Variants in LOXHD1 observed in about 807,000 individuals in gnomAD.
LOXHD1 encodes lipoxygenase homology PLAT domains 1, also known as lipoxygenase homology domain-containing protein 1.
In LOXHD1, 205 loss-of-function variants were observed where a neutral mutation model predicts 248.2. The observed-to-expected ratio is 0.83, with a 90% CI of 0.74 to 0.93. The LOEUF (loss-of-function observed/expected upper bound fraction) is 0.93, where lower values mean the gene tolerates loss of function less well. Among genes scored for constraint, LOXHD1 ranks in the 40% least tolerant of loss-of-function variants. LOXHD1 has a pLI of 0.00. For synonymous variants in LOXHD1, 1,113 were observed against 1,162.8 expected (o/e 0.96, Z 0.87); for missense variants, 2,930 against 2,971.6 (o/e 0.99, Z 0.33).
At chr18:46,654,330 A>AAG (rs2039151521) in intron 1 of LOXHD1, among the ~76,000 whole-genome samples, 1 of 152,248 alleles carries the variant, frequency 6.6e-6, no homozygotes, top group African/African-American at 2.4e-5. Flanking sequence ...ATCCCCAAGG[A>AAG]AGCTGCCTTG....
chr18:46,483,545 C>G (rs915501621), intron 40 of LOXHD1, 42 bp downstream of exon 40: 1 of 1,550,950 alleles, frequency 6.4e-7, no homozygotes, highest in African/African-American at 1.4e-5. Context: ...CTGCCCCATG[C>G]TGAGGGAGTG....
At chr18:46,611,790 G>A (rs1292068836) in intron 5 of LOXHD1, among the ~76,000 whole-genome samples, 1 of 152,166 alleles carries the variant, frequency 6.6e-6, no homozygotes, top group Non-Finnish European at 1.5e-5. Flanking sequence ...AAACATGACA[G>A]ATATGTCTAA....
At chr18:46,606,932 G>A (rs2038423245) in intron 6 of LOXHD1, among the ~76,000 whole-genome samples, 2 of 152,020 alleles carry the variant, frequency 1.3e-5, no homozygotes, top group Admixed American at 6.6e-5. Context: ...TTCAGAGGTC[G>A]AAGCGGCCAT....
intron 29 of LOXHD1, among the ~76,000 whole-genome samples, chr18:46,525,136 G>T (rs1326481357): frequency 6.6e-6 from 1 of 152,196 alleles, no homozygotes; most frequent in Non-Finnish European, 1.5e-5. Context: ...TATATGTGTG[G>T]TGCCATGGAG....
intron 36 of LOXHD1, 28 bp downstream of exon 36, chr18:46,507,510 C>T (rs924439603): frequency 3.2e-6 from 5 of 1,550,916 alleles, no homozygotes; most frequent in East Asian, 2.4e-5. Flanking sequence ...GGTAAGGGAG[C>T]GGGAGGTGTG....
intron 8 of LOXHD1, among the ~76,000 whole-genome samples, chr18:46,600,583 A>G (rs1245430883): frequency 7.2e-6 from 1 of 139,208 alleles, no homozygotes; most frequent in Non-Finnish European, 1.6e-5. Context: ...GGGTGACAGA[A>G]GTGAAACTCT....
intron 21 of LOXHD1, among the ~76,000 whole-genome samples, chr18:46,555,889 G>A (rs4581799): frequency 0.18 from 27,112 of 151,956 alleles, 2,677 homozygotes; most frequent in Non-Finnish European, 0.23. Flanking sequence ...TCTCTTCCCA[G>A]CCCAACTCAT....
At position 46,541,875 on chromosome 18, in the gene LOXHD1, T is replaced by A; in HGVS notation, c.3814A>T (p.Thr1272Ser). 6.4e-7 allele frequency: 1 copy of A among 1,551,704 alleles called. No individual in the cohort carries two copies. Among genetic ancestry groups the A allele is most frequent in the Non-Finnish European group, 8.7e-7 (1 of 1,147,000 alleles). The change falls in exon 25 of 41, where the codon ACG becomes TCG. Residue 1272 changes from threonine to serine, a missense_variant. By Grantham distance (58) the Thr-to-Ser change is moderately conservative. Coordinates refer to ENST00000642948, the MANE Select transcript of LOXHD1 (RefSeq NM_001384474.1). The part of the protein sequence containing the change: ...VDAPSLGKCM[T>S]FPCGRWLAKN... ...GCCAGCCAGCGGCCACAGGGAAACG[T>A]CATGCACTTCCCAAGAGATGGGGCA...
intron 4 of LOXHD1, among the ~76,000 whole-genome samples, chr18:46,623,838 A>G (rs572701513): frequency 1.3e-5 from 2 of 152,352 alleles, no homozygotes; most frequent in East Asian, 3.9e-4. Flanking sequence ...ACCCCAGGCC[A>G]TGCAGAGAGG....
At position 46,534,397 on chromosome 18, in the gene LOXHD1, C is replaced by T. The variant is rs2036214078; in HGVS notation, c.4150G>A (p.Gly1384Ser). The change falls in exon 27 of 41, where the codon GGC becomes AGC. Residue 1384 changes from glycine (G) to serine (S), a missense_variant. Physicochemically the swap from Gly to Ser is moderately conservative, Grantham distance 56 (BLOSUM62 0). Coordinates refer to ENST00000642948, the MANE Select transcript of LOXHD1 (RefSeq NM_001384474.1). Reference sequence around the variant, plus strand: ...GAGCAGTGCCACCCAGGATTCATGCCCGTGTTATTATGGCCAATCCGAATT... The same window carrying T: ...GAGCAGTGCCACCCAGGATTCATGCTCGTGTTATTATGGCCAATCCGAATT... Reference protein sequence around the residue: ...EKIRIGHNNTGMNPGWHCSHV... With the variant: ...EKIRIGHNNTSMNPGWHCSHV... The T allele has an allele frequency of 6.4e-7, 1 of 1,551,548 alleles. No individual in the cohort carries two copies. The highest frequency in any genetic ancestry group is 8.7e-7 in the Non-Finnish European group (1 of 1,147,002).
intron 27 of LOXHD1, chr18:46,533,633 G>A: frequency 3.0e-6 from 1 of 334,612 alleles, no homozygotes; most frequent in Non-Finnish European, 5.7e-6. Context: ...TTTAAAAATT[G>A]CTCCCTCTGG....
chr18:46,551,110 T>TA (rs1464820829), intron 21 of LOXHD1, among the ~76,000 whole-genome samples: 2 of 151,170 alleles, frequency 1.3e-5, no homozygotes, highest in African/African-American at 4.9e-5. Flanking sequence ...TCTTTTCTTT[T>TA]TTTTTTTTTT....
chr18:46,533,364 G>A, intron 27 of LOXHD1, 40 bp from the exon 28 acceptor site: 1 of 1,547,580 alleles, frequency 6.5e-7, no homozygotes, highest in Non-Finnish European at 8.7e-7. Context: ...CCCTTAATGT[G>A]AAAGCTGCCA....
chr18:46,651,376 G>A (rs1030799887), intron 1 of LOXHD1, among the ~76,000 whole-genome samples: 4 of 152,006 alleles, frequency 2.6e-5, no homozygotes, highest in African/African-American at 9.7e-5. Flanking sequence ...ATCAACCCCC[G>A]GAGCCCACTC....
At chr18:46,499,513 A>T (rs2034091353) in intron 37 of LOXHD1, among the ~76,000 whole-genome samples, 1 of 152,202 alleles carries the variant, frequency 6.6e-6, no homozygotes, top group South Asian at 2.1e-4. Flanking sequence ...CTAATCTTAG[A>T]CCCTAGTTTC....
chr18:46,545,842 G>C (rs1382266328), intron 22 of LOXHD1, among the ~76,000 whole-genome samples: 1 of 151,214 alleles, frequency 6.6e-6, no homozygotes, highest in Non-Finnish European at 1.5e-5. Context: ...TTTTAGCCGG[G>C]ATGGTCTCGA....
In LOXHD1 at chr18:46,477,673, G is replaced by A. The variant is rs756747830; in HGVS notation, c.6621C>T (p.Phe2207=). The A allele has an allele frequency of 1.9e-6, 3 of 1,551,864 alleles. No homozygotes were observed. Among genetic ancestry groups the A allele is most frequent in the East Asian group, 2.4e-5 (1 of 40,926 alleles). The change falls in exon 41 of 41, where the codon TTC becomes TTT. Residue 2207 remains phenylalanine (F), a synonymous_variant. Transcript: ENST00000642948. ...LFERGSTDRF[F]LETLELGELR... ...GCTCACCCAGCTCCAGCGTCTCCAG[G>A]AAGAAGCGGTCTGTGCTGCCCCGCT...
At position 46,529,221 on chromosome 18, in the gene LOXHD1, G is replaced by A. The variant is rs1252246833; in HGVS notation, c.4486C>T (p.Leu1496Phe). Residue 1496 changes from leucine to phenylalanine, a missense_variant, in exon 29 of 41, where the codon CTT (leucine) becomes TTT (phenylalanine). Leu to Phe is a conservative substitution (Grantham distance 22). Transcript: ENST00000642948. Reference protein sequence around the residue: ...GDLGDTGERYLGKSENRTNKF... With the variant: ...GDLGDTGERYFGKSENRTNKF... ...TTGGTCCGGTTCTCTGACTTGCCAA[G>A]GTATCGCTCCCCAGTGTCCCCGAGG... 7.7e-6 allele frequency: 12 copies of A among 1,551,504 alleles called. No individual in the cohort carries two copies. The East Asian group carries it at 2.4e-4, about 32-fold the overall frequency.
In LOXHD1 at chr18:46,541,932, G is replaced by C; in HGVS notation, c.3757C>G (p.Pro1253Ala). ...RLGHDNTGKA[P>A]GWFVDWVEVD... ...TCTACCCAGTCTACAAACCAGCCTG[G>C]GGCCTTGCCTAGAGAGAGAGGAGAC... Residue 1253 changes from proline (P) to alanine (A), a missense_variant, in exon 25 of 41, where the codon CCA (proline) becomes GCA (alanine). Coordinates refer to ENST00000642948, the MANE Select transcript of LOXHD1 (RefSeq NM_001384474.1). 1.3e-6 allele frequency: 2 copies of C among 1,551,270 alleles called. No homozygotes were observed. Among genetic ancestry groups the C allele is most frequent in the Non-Finnish European group, 1.7e-6 (2 of 1,146,766 alleles).
Sources: allele counts gnomAD v4.1 joint callset (sites outside exome capture counted in the v4.1 genomes callset), GRCh38; gene constraint gnomAD v4.1.1; transcripts MANE v1.5; gene names NCBI Gene and HGNC (gene_info 2026-07-23, HGNC 2026-07-21).